The following MB21D2 variants were observed in gnomAD, a reference collection of about 807,000 sequenced individuals.
The protein encoded by MB21D2 is nucleotidyltransferase MB21D2.
Under a neutral mutation model 33.3 loss-of-function variants are expected in MB21D2, and 9 were observed. The observed-to-expected ratio is 0.27, with a 90% CI of 0.16 to 0.47. The LOEUF (loss-of-function observed/expected upper bound fraction) is 0.47. MB21D2 is among the 20% of genes least tolerant of loss of function. MB21D2 has a pLI of 0.99. For missense variants in MB21D2, 540 were observed against 624.6 expected (o/e 0.86, Z 1.44); for synonymous variants, 241 against 236.3 (o/e 1.02, Z -0.18).
At chr3:192,832,957 G>A (rs1343147289) in intron 1 of MB21D2, among the ~76,000 whole-genome samples, 1 of 151,952 alleles carries the variant, frequency 6.6e-6, no homozygotes, top group African/African-American at 2.4e-5. Context: ...ATCTACCTAT[G>A]TCAAATAAAA....
intron 1 of MB21D2, among the ~76,000 whole-genome samples, chr3:192,823,057 A>G (rs1047634431): frequency 6.6e-6 from 1 of 152,230 alleles, no homozygotes; most frequent in South Asian, 2.1e-4. Context: ...AATACGCCAT[A>G]TCTGATACAT....
intron 1 of MB21D2, 121 bp downstream of exon 1, chr3:192,917,509 A>T: frequency 2.1e-6 from 2 of 962,018 alleles, no homozygotes; most frequent in Non-Finnish European, 3.2e-6. Context: ...GCTTATACCC[A>T]AGGCACCGGC....
At chr3:192,813,306 T>A (rs1012648863) in intron 1 of MB21D2, among the ~76,000 whole-genome samples, 29 of 151,818 alleles carry the variant, frequency 1.9e-4, no homozygotes, top group South Asian at 4.2e-4. Flanking sequence ...GTTAATTTTT[T>A]TTTTTTTTTT....
chr3:192,900,284 CA>C (rs66984849), intron 1 of MB21D2, among the ~76,000 whole-genome samples: 932 of 91,140 alleles, frequency 0.01, 1 homozygote, highest in African/African-American at 0.021. Context: ...GACTCTGTCT[CA>C]AAAAAAAAAA....
In MB21D2 at chr3:192,842,212, G is replaced by A. The variant is rs116424392; in HGVS notation, c.212-42562C>T. Among the ~76,000 whole-genome samples, 431 of 152,356 alleles carry A rather than the reference G, an allele frequency of 2.8e-3. 2 individuals are homozygous for A. Among genetic ancestry groups the A allele is most frequent in the African/African-American group, 0.01 (420 of 41,584 alleles). On this transcript the variant is annotated intron_variant, in intron 1 of 1. Transcript: ENST00000392452. ...ACTGGGGCACAGCTGAAGTAGGAAT[G>A]GATTGAAGAGATGAATGGGAAGTAC...
chr3:192,800,152 A>G (rs910022268), intron 1 of MB21D2, among the ~76,000 whole-genome samples: 1 of 151,614 alleles, frequency 6.6e-6, no homozygotes, highest in East Asian at 1.9e-4. Flanking sequence ...TTGCGCTTAC[A>G]CTCTTCTTTG....
At chr3:192,895,288 A>G (rs1272676212) in intron 1 of MB21D2, among the ~76,000 whole-genome samples, 8 of 152,214 alleles carry the variant, frequency 5.3e-5, no homozygotes, top group Admixed American at 5.2e-4. Context: ...GCAGACTTTC[A>G]AGAGGGAGTT....
chr3:192,901,413 C>CAAAAAAAAAA lies in MB21D2; in HGVS notation c.211+16207_211+16216dup, dbSNP rs71635401. On this transcript the variant is annotated intron_variant, in intron 1 of 1. Transcript: ENST00000392452. ...TGAAACCCCGTCTCTACTAAAAATT[C>CAAAAAAAAAA]AAAAAAAAAAAAAAAAAAAAAGACT... is the stretch of plus-strand genomic sequence containing the variant. Among the ~76,000 whole-genome samples, 97 of 100,710 alleles carry CAAAAAAAAAA rather than the reference C, an allele frequency of 9.6e-4. 1 individual carries two copies. Among genetic ancestry groups the CAAAAAAAAAA allele is most frequent in the Non-Finnish European group, 1.1e-3 (58 of 51,722 alleles). 66.1% of individuals were successfully genotyped at this position (100,710 alleles called of 152,430 possible).
At chr3:192,866,915 A>G (rs1713179686) in intron 1 of MB21D2, among the ~76,000 whole-genome samples, 1 of 151,802 alleles carries the variant, frequency 6.6e-6, no homozygotes, top group South Asian at 2.1e-4. Context: ...ATCAAGTCCT[A>G]CATGAGGAAA....
At chr3:192,865,043 T>C (rs1713141156) in intron 1 of MB21D2, among the ~76,000 whole-genome samples, 1 of 152,204 alleles carries the variant, frequency 6.6e-6, no homozygotes, top group Non-Finnish European at 1.5e-5. Context: ...CATTCATTTC[T>C]CCTCAATCTG....
chr3:192,842,795 G>C (rs183350387), intron 1 of MB21D2, among the ~76,000 whole-genome samples: 10 of 152,282 alleles, frequency 6.6e-5, no homozygotes, highest in African/African-American at 2.2e-4. Flanking sequence ...GGTTCTTTGG[G>C]AAGTGGACAC....
At position 192,799,493 on chromosome 3, in the gene MB21D2, T is replaced by C. The variant is rs1711511614; in HGVS notation, c.369A>G (p.Pro123=). The C allele has an allele frequency of 6.2e-7, 1 of 1,614,202 alleles. No homozygotes were observed. The highest frequency in any genetic ancestry group is 2.2e-5 in the East Asian group (1 of 44,868). ...DYDMDFTLLV[P]ALKLHDRNQP... ...GATTACGGTCATGCAGCTTGAGGGC[T>C]GGCACCAAGAGGGTAAAGTCCATAT... is the stretch of plus-strand genomic sequence containing the variant. Residue 123 remains proline (P), a synonymous_variant, in exon 2 of 2, where the codon CCA becomes CCG. Transcript: ENST00000392452. This position sits in a 1 kb window ranked among gnomAD's most constrained non-coding sequence, Gnocchi z 4.1.
intron 1 of MB21D2, among the ~76,000 whole-genome samples, chr3:192,855,930 G>T (rs62293208): frequency 6.6e-6 from 1 of 152,070 alleles, no homozygotes; most frequent in East Asian, 1.9e-4. Context: ...AAAATTAGCC[G>T]AGAGGTAATT....
At chr3:192,849,888 T>C (rs909372408) in intron 1 of MB21D2, among the ~76,000 whole-genome samples, 2 of 151,942 alleles carry the variant, frequency 1.3e-5, no homozygotes, top group African/African-American at 2.4e-5. Flanking sequence ...GTGAATAAAC[T>C]GTCAGAGACA....
intron 1 of MB21D2, among the ~76,000 whole-genome samples, chr3:192,872,674 G>A (rs1713336910): frequency 6.6e-6 from 1 of 152,166 alleles, no homozygotes; most frequent in South Asian, 2.1e-4. Flanking sequence ...CTACGGGGAT[G>A]GCTAAAATTA....
At chr3:192,906,898 C>T (rs1056610075) in intron 1 of MB21D2, among the ~76,000 whole-genome samples, 6 of 152,354 alleles carry the variant, frequency 3.9e-5, no homozygotes, top group Non-Finnish European at 8.8e-5. Flanking sequence ...TATTCAAATA[C>T]TAGTTGGAAG....
intron 1 of MB21D2, among the ~76,000 whole-genome samples, chr3:192,812,813 AG>A (rs1481086789): frequency 9.2e-5 from 14 of 152,308 alleles, no homozygotes; most frequent in African/African-American, 3.4e-4. Flanking sequence ...GTGTGATCTA[AG>A]ATCAAAGTCT....
chr3:192,797,802 CA>C lies in MB21D2; in HGVS notation c.*583del, dbSNP rs1228084000. On this transcript the variant is annotated 3_prime_UTR_variant, in exon 2 of 2. Transcript: ENST00000392452. Reference sequence around the variant, plus strand: ...ACAATTACATTCAATGAAGTTGCTCCAAAACACAATTTGTAGTATTATCACT... The same window carrying C: ...ACAATTACATTCAATGAAGTTGCTCCAAACACAATTTGTAGTATTATCACT... The C allele has an allele frequency of 6.6e-6, 1 of 152,582 alleles. No homozygotes were observed. Among genetic ancestry groups the C allele is most frequent in the East Asian group, 1.9e-4 (1 of 5,192 alleles). The allele number at this position is 152,582 out of a possible 1,614,324, so 9.5% of individuals were successfully genotyped here.
intron 1 of MB21D2, among the ~76,000 whole-genome samples, chr3:192,871,793 G>T (rs1577190869): frequency 1.3e-5 from 2 of 152,214 alleles, no homozygotes; most frequent in East Asian, 3.9e-4. Context: ...GTGACATGAT[G>T]GGGATGACAG....
Sources: allele counts gnomAD v4.1 joint callset (sites outside exome capture counted in the v4.1 genomes callset), GRCh38; gene constraint gnomAD v4.1.1; non-coding constraint Gnocchi (gnomAD v3.1); transcripts MANE v1.5; gene names NCBI Gene and HGNC (gene_info 2026-07-23, HGNC 2026-07-21).